Variants in RABL6 observed in about 807,000 individuals in gnomAD.
The protein encoded by RABL6 is rab-like protein 6.
A neutral mutation model predicts 72.9 loss-of-function variants in RABL6; 28 were observed. The observed-to-expected ratio is 0.38, with a 90% confidence interval of 0.28 to 0.53. The LOEUF is 0.53. Among genes scored for constraint, RABL6 ranks in the 20% least tolerant of loss-of-function variants. The pLI, the probability that RABL6 is intolerant of heterozygous loss-of-function variation, is 0.80. For synonymous variants in RABL6, 477 were observed against 421.2 expected (o/e 1.13, Z -1.62); for missense variants, 1,029 against 1,008.4 (o/e 1.02, Z -0.28).
Position 136,808,004 on chromosome 9 carries a change from C to T in RABL6, c.-193C>T, listed in dbSNP as rs1379581014. On this transcript the variant is annotated 5_prime_UTR_variant, in exon 1 of 15. Transcript: ENST00000311502. ...GCGCCGGAGGCCGCGGGGGCCGGAG[C>T]GGAGCAGCCGCGGCTGAGGTTCCCG... The T allele has an allele frequency of 2.2e-5, 22 of 1,020,354 alleles. No homozygotes were observed. The highest frequency in any genetic ancestry group is 2.6e-5 in the Non-Finnish European group (22 of 853,716). The allele number at this position is 1,020,354 out of a possible 1,614,324, so 63.2% of individuals were successfully genotyped here. A position where few individuals can be genotyped will look rare whatever the true frequency, so the allele number is the denominator to read the frequency against.
At chr9:136,838,872 C>A (rs763004530) in intron 10 of RABL6, 37 bp from the exon 11 acceptor site, 1 of 1,499,820 alleles carries the variant, frequency 6.7e-7, no homozygotes, top group Admixed American at 2.1e-5. Context: ...CCATCCCTAC[C>A]CCGTGGCCCT....
chr9:136,832,076 G>T, intron 6 of RABL6, 189 bp from the exon 7 acceptor site: 1 of 899,952 alleles, frequency 1.1e-6, no homozygotes, highest in South Asian at 1.7e-5. Flanking sequence ...GTGAAGTGCT[G>T]GCACTGTGGG....
intron 7 of RABL6, chr9:136,833,848 T>C (rs901104991): frequency 3.9e-6 from 6 of 1,550,404 alleles, no homozygotes; most frequent in African/African-American, 2.7e-5. Context: ...GTCAGACTTG[T>C]CCTGTGCCGG....
At chr9:136,834,699 G>A (rs375891311) in intron 7 of RABL6, among the ~76,000 whole-genome samples, 4 of 152,182 alleles carry the variant, frequency 2.6e-5, no homozygotes, top group South Asian at 2.1e-4. Flanking sequence ...GGACGGTCTC[G>A]ATCTCTTGAC....
chr9:136,813,322 A>G, intron 1 of RABL6: 1 of 676,626 alleles, frequency 1.5e-6, no homozygotes, highest in South Asian at 1.5e-5. Flanking sequence ...GTTCTGGGGC[A>G]CTTTGATAAA....
At chr9:136,810,473 A>G (rs557478372) in intron 1 of RABL6, among the ~76,000 whole-genome samples, 1 of 152,376 alleles carries the variant, frequency 6.6e-6, no homozygotes, top group African/African-American at 2.4e-5. Flanking sequence ...ATAGCTGAAT[A>G]ACATGCAATT....
chr9:136,810,198 A>G (rs948674551), intron 1 of RABL6, among the ~76,000 whole-genome samples: 9 of 152,170 alleles, frequency 5.9e-5, no homozygotes, highest in Non-Finnish European at 1.2e-4. Flanking sequence ...TCCCTGGGAA[A>G]TCAGGCCTGG....
intron 4 of RABL6, 76 bp from the exon 5 acceptor site, chr9:136,829,317 C>G (rs978918970): frequency 9.2e-7 from 1 of 1,091,012 alleles, no homozygotes; most frequent in African/African-American, 1.6e-5. Context: ...GACTATCCAG[C>G]CTTTTCTAAA....
chr9:136,832,211 T>C (rs1848491543), intron 6 of RABL6, 54 bp from the exon 7 acceptor site: 6 of 1,527,374 alleles, frequency 3.9e-6, no homozygotes, highest in South Asian at 1.1e-5. Flanking sequence ...GGGGTGATCC[T>C]TGGCACCAGG....
chr9:136,820,200 CAAAAAAAA>C (rs34975162), intron 1 of RABL6, among the ~76,000 whole-genome samples: 2,521 of 77,950 alleles, frequency 0.032, 97 homozygotes, highest in African/African-American at 0.11. Context: ...CTCCATCTTC[CAAAAAAAA>C]AAAAAAAAAA....
In RABL6 at chr9:136,841,063, T is replaced by A; in HGVS notation, c.*541T>A. On this transcript the variant is annotated 3_prime_UTR_variant, in exon 15 of 15. Transcript: ENST00000311502. ...CAGCATGTGAGGCCTCTCCTGGGAG[T>A]GGGGGTTGTGTTTCCCACAGTGGCC... The A allele has an allele frequency of 7.1e-7, 1 of 1,414,188 alleles. No homozygotes were observed. The highest frequency in any genetic ancestry group is 2.6e-5 in the East Asian group (1 of 38,224). 87.6% of individuals were successfully genotyped at this position (1,414,188 alleles called of 1,614,324 possible). A position where few individuals can be genotyped will look rare whatever the true frequency, so the allele number is the denominator to read the frequency against.
At chr9:136,817,783 G>T (rs1396053470) in intron 1 of RABL6, among the ~76,000 whole-genome samples, 1 of 152,118 alleles carries the variant, frequency 6.6e-6, no homozygotes, top group Non-Finnish European at 1.5e-5. Flanking sequence ...AGCAAAGGGG[G>T]CCGGGTGCTG....
At chr9:136,838,479 T>C (rs1191472007) in intron 10 of RABL6, among the ~76,000 whole-genome samples, 2 of 152,158 alleles carry the variant, frequency 1.3e-5, no homozygotes, top group East Asian at 1.9e-4. Flanking sequence ...GCCCCAAATT[T>C]TGCCTGCAGC....
intron 3 of RABL6, chr9:136,827,647 T>A (rs1411861979): frequency 6.6e-6 from 1 of 152,488 alleles, no homozygotes; most frequent in Admixed American, 6.5e-5. Context: ...TCCTCCGGGC[T>A]GGCTCTGTCC....
intron 5 of RABL6, among the ~76,000 whole-genome samples, chr9:136,831,488 G>C (rs1203844175): frequency 6.6e-6 from 1 of 152,122 alleles, no homozygotes; most frequent in Admixed American, 6.5e-5. Context: ...GTGGGGTGCG[G>C]TCAAGTACCT....
chr9:136,832,724 G>A (rs373056472), intron 7 of RABL6: 44 of 367,520 alleles, frequency 1.2e-4, no homozygotes, highest in Middle Eastern at 9.0e-4. Flanking sequence ...CTCAAACTCC[G>A]GGGCTCAGGC....
At chr9:136,821,290 C>G (rs1255727337) in intron 1 of RABL6, 1 of 979,910 alleles carries the variant, frequency 1.0e-6, no homozygotes, top group Non-Finnish European at 1.2e-6. Context: ...CGGGCGGTCG[C>G]TGTGACCGTC....
chr9:136,813,751 G>A (rs192012478), intron 1 of RABL6: 260 of 196,808 alleles, frequency 1.3e-3, no homozygotes, highest in Middle Eastern at 4.3e-3. Context: ...GAGTAGCTGG[G>A]ACTACAGGCA....
chr9:136,839,206 C>T lies in RABL6; in HGVS notation c.1494-16C>T, dbSNP rs772662040. 3 of 1,595,172 alleles carry T rather than the reference C, an allele frequency of 1.9e-6. No homozygotes were observed. The highest frequency in any genetic ancestry group is 2.6e-6 in the Non-Finnish European group (3 of 1,170,098). ...CCTCCAGAGGACCCTGACTGACCCTCTGCTTGTCCACAAAGGTCCTCCATA... is the reference window on the plus strand; with the variant it reads ...CCTCCAGAGGACCCTGACTGACCCTTTGCTTGTCCACAAAGGTCCTCCATA... On this transcript the variant is annotated splice_polypyrimidine_tract_variant and intron_variant, in intron 11 of 14. Coordinates refer to ENST00000311502, the MANE Select transcript of RABL6 (RefSeq NM_024718.5).
Sources: allele counts gnomAD v4.1 joint callset (sites outside exome capture counted in the v4.1 genomes callset), GRCh38; gene constraint gnomAD v4.1.1; transcripts MANE v1.5; gene names NCBI Gene and HGNC (gene_info 2026-07-23, HGNC 2026-07-21).